The following TMEM117 variants were observed in gnomAD, a reference collection of about 807,000 sequenced individuals.
TMEM117 encodes the protein transmembrane protein 117.
Under a neutral mutation model 52.4 loss-of-function variants are expected in TMEM117, and 27 were observed. That is an observed-to-expected ratio of 0.51 (90% confidence interval 0.38 to 0.71). The LOEUF is 0.71. Ranked by LOEUF, TMEM117 falls within the 30% of genes least tolerant of loss-of-function variation. The pLI is 0.00. For synonymous variants in TMEM117, 215 were observed against 206.3 expected, an observed-to-expected ratio of 1.04 and a Z score of -0.36; for missense variants, 556 against 630.5, an observed-to-expected ratio of 0.88 and a Z score of 1.26.
intron 3 of TMEM117, among the ~76,000 whole-genome samples, chr12:44,050,532 A>G (rs1325601386): frequency 3.9e-5 from 6 of 152,210 alleles, no homozygotes; most frequent in Admixed American, 3.3e-4. Context: ...AGCAACTTCT[A>G]GGCACTGAGA....
chr12:44,049,911 A>G (rs191638845), intron 3 of TMEM117, among the ~76,000 whole-genome samples: 9 of 152,340 alleles, frequency 5.9e-5, no homozygotes, highest in African/African-American at 1.7e-4. Context: ...GCAAATAATG[A>G]TTGATACTTA....
chr12:43,913,037 C>T (rs1295859046), intron 2 of TMEM117, among the ~76,000 whole-genome samples: 1 of 152,158 alleles, frequency 6.6e-6, no homozygotes, highest in Admixed American at 6.6e-5. Flanking sequence ...ACTTTATAAG[C>T]CTCAAGGCAG....
In TMEM117 at chr12:44,267,645, C is replaced by G. The variant is rs539463191; in HGVS notation, c.609-31935C>G. 3.3e-5 allele frequency among the ~76,000 whole-genome samples: 5 copies of G among 152,316 alleles called. No individual in the cohort carries two copies. In the South Asian group the frequency reaches 1.0e-3, roughly 32 times the overall value. On this transcript the variant is annotated intron_variant, in intron 5 of 7. Transcript: ENST00000266534. ...TCTAGGACTTACACACCTTGTATAA[C>G]CAAAGTTTATACCTTTGACCCTCCT...
At chr12:43,910,376 A>T (rs1944475752) in intron 2 of TMEM117, among the ~76,000 whole-genome samples, 1 of 121,240 alleles carries the variant, frequency 8.2e-6, no homozygotes, top group African/African-American at 2.9e-5. Flanking sequence ...TGACAAACCC[A>T]CAGCCAATAT....
At chr12:44,266,178 T>C (rs908266571) in intron 5 of TMEM117, among the ~76,000 whole-genome samples, 2 of 152,162 alleles carry the variant, frequency 1.3e-5, no homozygotes, top group African/African-American at 4.8e-5. Flanking sequence ...GGTAATATAG[T>C]AACATTTAAC....
intron 3 of TMEM117, among the ~76,000 whole-genome samples, chr12:44,025,634 T>C (rs1246044529): frequency 6.6e-6 from 1 of 152,194 alleles, no homozygotes; most frequent in East Asian, 1.9e-4. Context: ...AATTCAGCTG[T>C]TGTATTTTCG....
chr12:43,923,248 T>C (rs1944725298), intron 2 of TMEM117, among the ~76,000 whole-genome samples: 1 of 152,200 alleles, frequency 6.6e-6, no homozygotes, highest in African/African-American at 2.4e-5. Flanking sequence ...TCTTGTGTAA[T>C]CTAGTTGGTA....
At chr12:44,281,658 A>G (rs1950578556) in intron 5 of TMEM117, among the ~76,000 whole-genome samples, 1 of 152,200 alleles carries the variant, frequency 6.6e-6, no homozygotes, top group South Asian at 2.1e-4. Context: ...AACAGGTAAA[A>G]GATGCAACTT....
intron 6 of TMEM117, among the ~76,000 whole-genome samples, chr12:44,314,764 T>A (rs983613149): frequency 6.6e-5 from 10 of 152,122 alleles, no homozygotes; most frequent in African/African-American, 2.4e-4. Context: ...AGGGTGATAC[T>A]AGCTTCATAG....
At chr12:44,190,324 G>T (rs985655395) in intron 4 of TMEM117, among the ~76,000 whole-genome samples, 4 of 152,070 alleles carry the variant, frequency 2.6e-5, no homozygotes, top group African/African-American at 9.7e-5. Flanking sequence ...TTAGTATATT[G>T]TCTCTTCAAG....
At chr12:43,921,935 G>T (rs58745016) in intron 2 of TMEM117, among the ~76,000 whole-genome samples, 1 of 152,042 alleles carries the variant, frequency 6.6e-6, no homozygotes, top group African/African-American at 2.4e-5. Context: ...ATTATTACCA[G>T]GTGTCCCAAA....
chr12:43,897,841 C>T (rs1178172470), intron 2 of TMEM117, among the ~76,000 whole-genome samples: 1 of 152,100 alleles, frequency 6.6e-6, no homozygotes, highest in Non-Finnish European at 1.5e-5. Flanking sequence ...AAACTCCTGA[C>T]CTCAAGTGAT....
intron 3 of TMEM117, among the ~76,000 whole-genome samples, chr12:44,051,460 A>C (rs890510846): frequency 4.6e-5 from 7 of 152,354 alleles, no homozygotes; most frequent in African/African-American, 1.7e-4. Flanking sequence ...CTTGAAGCCC[A>C]AAAGTATATA....
At chr12:43,818,676 C>G in the TMEM117 span, among the ~76,000 whole-genome samples, 1 of 152,134 alleles carries the variant, frequency 6.6e-6, no homozygotes, top group Admixed American at 6.6e-5. Context: ...ATCTCTTGAC[C>G]TCGTGATCCG....
At chr12:44,050,595 A>T (rs78752432) in intron 3 of TMEM117, among the ~76,000 whole-genome samples, 1 of 152,204 alleles carries the variant, frequency 6.6e-6, no homozygotes, top group Admixed American at 6.5e-5. Context: ...ACTCTGCCTC[A>T]GTCTCTTTCT....
At chr12:44,158,381 C>G (rs996819882) in intron 4 of TMEM117, among the ~76,000 whole-genome samples, 1 of 152,114 alleles carries the variant, frequency 6.6e-6, no homozygotes, top group Non-Finnish European at 1.5e-5. Context: ...AGGACAACAA[C>G]TTTTGATGTG....
intron 3 of TMEM117, among the ~76,000 whole-genome samples, chr12:43,989,362 A>G (rs1945900270): frequency 6.6e-6 from 1 of 152,082 alleles, no homozygotes; most frequent in South Asian, 2.1e-4. Flanking sequence ...TTTTGCAGTT[A>G]TGCTTTCCTG....
chr12:44,347,115 C>G (rs145762828), intron 6 of TMEM117, among the ~76,000 whole-genome samples: 1 of 151,994 alleles, frequency 6.6e-6, no homozygotes, highest in East Asian at 1.9e-4. Context: ...AGTTAAAAGC[C>G]TTCTTTTTCC....
chr12:44,213,404 A>G (rs1040453918), intron 5 of TMEM117, among the ~76,000 whole-genome samples: 3 of 152,232 alleles, frequency 2.0e-5, no homozygotes, highest in South Asian at 2.1e-4. Context: ...TCTTCCCTAC[A>G]AAATTCCCCA....
Sources: allele counts gnomAD v4.1 joint callset (sites outside exome capture counted in the v4.1 genomes callset), GRCh38; gene constraint gnomAD v4.1.1; transcripts MANE v1.5; gene names NCBI Gene and HGNC (gene_info 2026-07-23, HGNC 2026-07-21).